PARP8: variants seen among roughly 807,000 people sequenced by gnomAD.
PARP8 encodes poly(ADP-ribose) polymerase family member 8.
PARP8 carries 51 observed loss-of-function variants against 124.1 expected under a neutral mutation model. The ratio of observed to expected loss-of-function variants is 0.41; its 90% CI spans 0.33 to 0.52. The LOEUF (loss-of-function observed/expected upper bound fraction) is 0.52, where lower values mean the gene tolerates loss of function less well. Ranked by LOEUF, PARP8 falls within the 20% of genes least tolerant of loss-of-function variation. The pLI, the probability that PARP8 is intolerant of heterozygous loss-of-function variation, is 0.21. For synonymous variants in PARP8, 391 were observed against 361.5 expected, an observed-to-expected ratio of 1.08 and a Z score of -0.93; for missense variants, 860 against 1,018.9, an observed-to-expected ratio of 0.84 and a Z score of 2.12.
chr5:50,821,228 G>A lies in PARP8; in HGVS notation c.1684G>A (p.Val562Ile). ...ATGAQVVDLL[V>I]SMCRSALESP... ...ATATTTCAAGGTGGTAGATCTACTA[G>A]TATCCATGTGTAGGTCTGCGTTGGA... The change falls in exon 16 of 26, where the codon GTA becomes ATA. Residue 562 changes from valine (V) to isoleucine (I), a missense_variant. Val to Ile is a conservative substitution (Grantham distance 29). Transcript: ENST00000281631. The A allele has an allele frequency of 1.2e-6, 2 of 1,613,984 alleles. No individual in the cohort carries two copies. Among genetic ancestry groups the A allele is most frequent in the Admixed American group, 1.7e-5 (1 of 60,024 alleles).
chr5:50,709,161 T>G (rs1378143885), intron 2 of PARP8, among the ~76,000 whole-genome samples: 3 of 152,092 alleles, frequency 2.0e-5, no homozygotes, highest in Non-Finnish European at 2.9e-5. Context: ...GGTCTACCAT[T>G]GAAATTCCTG....
chr5:50,763,122 A>G, intron 6 of PARP8, 26 bp from the exon 7 acceptor site: 1 of 1,558,226 alleles, frequency 6.4e-7, no homozygotes. Flanking sequence ...CTTCTGAGAC[A>G]CTTTTAAATT....
chr5:50,758,158 A>G lies in PARP8; in HGVS notation c.185-1485A>G, dbSNP rs538530206. ...AGAAGAGACTCTAGATAAGTGATCA[A>G]AGTCTCAACTAATGAGATAATAATT... On this transcript the variant is annotated intron_variant, in intron 3 of 25. Transcript: ENST00000281631. Among the ~76,000 whole-genome samples the G allele has an allele frequency of 9.2e-5, 14 of 152,288 alleles. No homozygotes were observed. In the East Asian group the frequency reaches 2.5e-3, roughly 27 times the overall value.
intron 3 of PARP8, among the ~76,000 whole-genome samples, chr5:50,758,935 A>G (rs1259919594): frequency 1.3e-5 from 2 of 152,202 alleles, no homozygotes; most frequent in Non-Finnish European, 2.9e-5. Context: ...AACTTGTATA[A>G]TGCATGTAGC....
chr5:50,809,005 T>C (rs377450964), intron 14 of PARP8, among the ~76,000 whole-genome samples: 1 of 149,272 alleles, frequency 6.7e-6, no homozygotes, highest in Non-Finnish European at 1.5e-5. Context: ...CAAAAAACTT[T>C]TAGTTCAAAA....
chr5:50,709,955 T>TATATACATACAC (rs149858890), intron 2 of PARP8, among the ~76,000 whole-genome samples: 2 of 103,322 alleles, frequency 1.9e-5, no homozygotes, highest in Non-Finnish European at 4.0e-5. Flanking sequence ...TATATATATA[T>TATATACATACAC]ACACATACAT....
intron 17 of PARP8, among the ~76,000 whole-genome samples, chr5:50,823,269 C>G (rs755713167): frequency 6.6e-6 from 1 of 152,144 alleles, no homozygotes; most frequent in Admixed American, 6.5e-5. Flanking sequence ...CCAGAGTTAT[C>G]GCTACTGCTC....
intron 14 of PARP8, among the ~76,000 whole-genome samples, chr5:50,808,133 A>C (rs1744063569): frequency 6.6e-6 from 1 of 151,978 alleles, no homozygotes; most frequent in African/African-American, 2.4e-5. Flanking sequence ...TGACTGAGGC[A>C]GGTCTCAGTC....
At chr5:50,700,914 C>T (rs1469090644) in intron 2 of PARP8, among the ~76,000 whole-genome samples, 1 of 151,968 alleles carries the variant, frequency 6.6e-6, no homozygotes, top group Non-Finnish European at 1.5e-5. Context: ...ATAGATAATC[C>T]TCCAAGCAGC....
At chr5:50,731,797 C>T (rs1257468361) in intron 2 of PARP8, among the ~76,000 whole-genome samples, 1 of 152,068 alleles carries the variant, frequency 6.6e-6, no homozygotes, top group East Asian at 1.9e-4. Flanking sequence ...ATTTCTGATT[C>T]TTAAAAGCTC....
At chr5:50,716,020 A>G (rs1416191877) in intron 2 of PARP8, among the ~76,000 whole-genome samples, 1 of 152,116 alleles carries the variant, frequency 6.6e-6, no homozygotes, top group Non-Finnish European at 1.5e-5. Flanking sequence ...TTGATGTTGT[A>G]GCAAGAATCC....
intron 3 of PARP8, chr5:50,757,232 A>G (rs912440330): frequency 1.5e-5 from 7 of 453,336 alleles, no homozygotes; most frequent in Non-Finnish European, 2.2e-5. Flanking sequence ...TAGAAGAAAT[A>G]GATAAATTCC....
At chr5:50,832,435 A>G (rs1244578850) in intron 22 of PARP8, among the ~76,000 whole-genome samples, 1 of 152,194 alleles carries the variant, frequency 6.6e-6, no homozygotes, top group Non-Finnish European at 1.5e-5. Flanking sequence ...GACATTGTTC[A>G]CATTTCCCAC....
chr5:50,756,353 C>G (rs980553173), intron 3 of PARP8, among the ~76,000 whole-genome samples: 1 of 152,012 alleles, frequency 6.6e-6, no homozygotes, highest in African/African-American at 2.4e-5. Flanking sequence ...TGAGATACAT[C>G]CCATTCTTAT....
chr5:50,699,532 C>G (rs1753373176), intron 2 of PARP8, among the ~76,000 whole-genome samples: 1 of 152,180 alleles, frequency 6.6e-6, no homozygotes, highest in African/African-American at 2.4e-5. Flanking sequence ...CAGGTTTACT[C>G]AGCCATCTTC....
chr5:50,824,791 T>C, intron 17 of PARP8, 117 bp from the exon 18 acceptor site: 1 of 725,262 alleles, frequency 1.4e-6, no homozygotes, highest in Non-Finnish European at 2.4e-6. Context: ...CCATGTTAAG[T>C]CCATAAATTT....
chr5:50,729,617 G>A (rs184932568), intron 2 of PARP8, among the ~76,000 whole-genome samples: 103 of 152,196 alleles, frequency 6.8e-4, no homozygotes, highest in Non-Finnish European at 1.2e-3. Flanking sequence ...TTTTCTTGCC[G>A]TTCAGAAAGC....
chr5:50,683,632 A>ATTT (rs34331466), intron 2 of PARP8, among the ~76,000 whole-genome samples: 1 of 152,008 alleles, frequency 6.6e-6, no homozygotes, highest in East Asian at 1.9e-4. Context: ...GTGTGTAGTT[A>ATTT]TTTTTCCTTT....
At chr5:50,740,927 C>G (rs539764114) in intron 2 of PARP8, among the ~76,000 whole-genome samples, 1 of 152,066 alleles carries the variant, frequency 6.6e-6, no homozygotes, top group East Asian at 1.9e-4. Context: ...ATCATACTAT[C>G]GAAGTTCTTT....
Sources: allele counts gnomAD v4.1 joint callset (sites outside exome capture counted in the v4.1 genomes callset), GRCh38; gene constraint gnomAD v4.1.1; transcripts MANE v1.5; gene names NCBI Gene and HGNC (gene_info 2026-07-23, HGNC 2026-07-21).